Variants in NEO1 observed in about 807,000 individuals in gnomAD.
The protein encoded by NEO1 is neogenin.
In NEO1, 63 loss-of-function variants were observed where a neutral mutation model predicts 159.7. The observed-to-expected ratio is 0.39, with a 90% CI of 0.32 to 0.49. NEO1 has a LOEUF of 0.49. Ranked by LOEUF, NEO1 falls within the 20% of genes least tolerant of loss-of-function variation. The pLI is 0.85. For missense variants in NEO1, 1,615 were observed against 1,831.0 expected, an observed-to-expected ratio of 0.88 and a Z score of 2.15; for synonymous variants, 633 against 662.0, an observed-to-expected ratio of 0.96 and a Z score of 0.67.
Position 73,303,586 on chromosome 15 carries a change from G to A in NEO1, c.*890G>A, listed in dbSNP as rs953270928. On this transcript the variant is annotated 3_prime_UTR_variant, in exon 29 of 29. Transcript: ENST00000261908. ...TTCTTCCAGAAGCCTGCAGAGAATG[G>A]AAGCATCTTCTTTATTGTCCTTTCC... The A allele has an allele frequency of 6.6e-6, 1 of 152,180 alleles. No homozygotes were observed. The highest frequency in any genetic ancestry group is 2.4e-5 in the African/African-American group (1 of 41,440). The allele number at this position is 152,180 out of a possible 1,614,324, so 9.4% of individuals were successfully genotyped here.
At chr15:73,121,839 A>G (rs535005871) in intron 2 of NEO1, among the ~76,000 whole-genome samples, 41 of 152,074 alleles carry the variant, frequency 2.7e-4, no homozygotes, top group Non-Finnish European at 4.7e-4. Flanking sequence ...CCCTTTTGAT[A>G]TGTCCACATT....
chr15:73,246,003 G>C (rs2039775865), intron 9 of NEO1, among the ~76,000 whole-genome samples: 1 of 152,086 alleles, frequency 6.6e-6, no homozygotes, highest in South Asian at 2.1e-4. Context: ...TATTTGTAGA[G>C]GCTACTGACC....
At chr15:73,055,840 A>G (rs2067667862) in intron 1 of NEO1, among the ~76,000 whole-genome samples, 1 of 152,138 alleles carries the variant, frequency 6.6e-6, no homozygotes, top group Non-Finnish European at 1.5e-5. Flanking sequence ...CCAAGCTGAG[A>G]TCAAGAAGAC....
intron 23 of NEO1, among the ~76,000 whole-genome samples, chr15:73,287,557 A>T (rs1157816786): frequency 6.6e-6 from 1 of 152,148 alleles, no homozygotes; most frequent in Non-Finnish European, 1.5e-5. Context: ...TCTTGACTCC[A>T]CCTAGTTGGT....
chr15:73,074,064 A>C (rs567597583), intron 1 of NEO1, among the ~76,000 whole-genome samples: 2 of 152,208 alleles, frequency 1.3e-5, no homozygotes, highest in African/African-American at 4.8e-5. Flanking sequence ...TCACCATTTC[A>C]ACAAATCTCT....
intron 1 of NEO1, among the ~76,000 whole-genome samples, chr15:73,059,532 G>A (rs538302582): frequency 1.6e-3 from 250 of 152,308 alleles, no homozygotes; most frequent in Admixed American, 4.6e-3. Flanking sequence ...CTACACTGTG[G>A]AAATAAAGAT....
chr15:73,074,152 T>A (rs2068661332), intron 1 of NEO1, among the ~76,000 whole-genome samples: 1 of 152,220 alleles, frequency 6.6e-6, no homozygotes, highest in African/African-American at 2.4e-5. Context: ...AGGACTCAAG[T>A]CATGTCTAAA....
intron 13 of NEO1, chr15:73,255,888 A>G (rs889240317): frequency 6.6e-6 from 1 of 152,182 alleles, no homozygotes; most frequent in African/African-American, 2.4e-5. Context: ...TACAACCAAA[A>G]GGTGTGAGTT....
At chr15:73,176,058 C>G (rs964969218) in intron 5 of NEO1, among the ~76,000 whole-genome samples, 2 of 152,054 alleles carry the variant, frequency 1.3e-5, no homozygotes, top group Non-Finnish European at 2.9e-5. Context: ...CTAATTATAG[C>G]TCTTAAAAAA....
At chr15:73,255,009 AG>A (rs1255321499) in intron 13 of NEO1, among the ~76,000 whole-genome samples, 180 bp downstream of exon 13, 1 of 152,232 alleles carries the variant, frequency 6.6e-6, no homozygotes, top group African/African-American at 2.4e-5. Context: ...ACACTCTTAA[AG>A]GTTCTGCTAT....
At chr15:73,141,116 C>T in intron 5 of NEO1, among the ~76,000 whole-genome samples, 1 of 152,072 alleles carries the variant, frequency 6.6e-6, no homozygotes, top group Non-Finnish European at 1.5e-5. Context: ...TCATAATGTG[C>T]AAAAACATAT....
rs1193057422 is a variant in NEO1 at position 73,259,197 on chromosome 15, T to G, written c.2203+321T>G. The G allele has an allele frequency of 2.2e-5, 5 of 225,694 alleles. No homozygotes were observed. In the East Asian group the frequency reaches 4.0e-4, roughly 18 times the overall value. The allele number at this position is 225,694 out of a possible 1,614,324, so 14.0% of individuals were successfully genotyped here. ...CTGAGCCACATAAATCATGCCTTTATTTCAACTGCAGTTTCCCTTTTCTTT... is the reference window on the plus strand; with the variant it reads ...CTGAGCCACATAAATCATGCCTTTAGTTCAACTGCAGTTTCCCTTTTCTTT... On this transcript the variant is annotated intron_variant, in intron 14 of 28. Coordinates refer to ENST00000261908, the MANE Select transcript of NEO1 (RefSeq NM_002499.4).
At chr15:73,271,968 A>C (rs1451842620) in intron 18 of NEO1, among the ~76,000 whole-genome samples, 2 of 152,108 alleles carry the variant, frequency 1.3e-5, no homozygotes, top group Admixed American at 1.3e-4. Flanking sequence ...ATGAGAGAGA[A>C]AACTGTTTTA....
intron 1 of NEO1, among the ~76,000 whole-genome samples, chr15:73,084,699 T>G (rs893700529): frequency 6.6e-6 from 1 of 152,172 alleles, no homozygotes; most frequent in African/African-American, 2.4e-5. Flanking sequence ...GAAGTTTTAT[T>G]TTTCATTTTT....
intron 1 of NEO1, among the ~76,000 whole-genome samples, chr15:73,059,854 T>A (rs1236439509): frequency 6.6e-6 from 1 of 152,224 alleles, no homozygotes; most frequent in Non-Finnish European, 1.5e-5. Flanking sequence ...ATAATTGAGC[T>A]GTCTGGGGGT....
At chr15:73,168,348 T>A (rs2034713436) in intron 5 of NEO1, among the ~76,000 whole-genome samples, 1 of 114,014 alleles carries the variant, frequency 8.8e-6, no homozygotes, top group African/African-American at 3.4e-5. Flanking sequence ...AGGGTCCAGC[T>A]AATTTTTGTA....
intron 1 of NEO1, among the ~76,000 whole-genome samples, chr15:73,113,217 T>C (rs543150449): frequency 1.6e-4 from 24 of 151,548 alleles, no homozygotes; most frequent in Admixed American, 7.2e-4. Context: ...TTGTAAACAC[T>C]CATCAGAATT....
intron 21 of NEO1, 135 bp from the exon 22 acceptor site, chr15:73,277,996 T>C: frequency 1.5e-6 from 1 of 668,230 alleles, no homozygotes; most frequent in Non-Finnish European, 2.5e-6. Context: ...TCCCATGATT[T>C]ATGTGCTACT....
chr15:73,256,914 C>CTG (rs2040381587), intron 13 of NEO1, among the ~76,000 whole-genome samples: 1 of 151,710 alleles, frequency 6.6e-6, no homozygotes, highest in South Asian at 2.1e-4. Flanking sequence ...CATGGTCAAA[C>CTG]TGTGTCTCTA....
Sources: gnomAD v4.1 joint callset for allele counts (sites outside exome capture counted in the v4.1 genomes callset) on GRCh38, gnomAD v4.1.1 for gene constraint, MANE v1.5 for transcripts, NCBI Gene and HGNC (gene_info 2026-07-23, HGNC 2026-07-21) for gene names.